Variants in DOCK1 observed in about 807,000 individuals in gnomAD.
DOCK1 encodes dedicator of cytokinesis protein 1.
Under a neutral mutation model 262.7 loss-of-function variants are expected in DOCK1, and 138 were observed. The ratio of observed to expected loss-of-function variants is 0.53; its 90% CI spans 0.46 to 0.61. The LOEUF is 0.61. Among genes scored for constraint, DOCK1 ranks in the 20% least tolerant of loss-of-function variants. DOCK1 has a pLI of 0.00. For missense variants in DOCK1, 1,908 were observed against 2,370.7 expected, an observed-to-expected ratio of 0.80 and a Z score of 4.05; for synonymous variants, 866 against 867.4, an observed-to-expected ratio of 1.00 and a Z score of 0.03.
intron 23 of DOCK1, 77 bp from the exon 24 acceptor site, chr10:127,106,154 T>A: frequency 7.0e-7 from 1 of 1,424,182 alleles, no homozygotes; most frequent in South Asian, 1.3e-5. Context: ...CTGCGGTTCT[T>A]CTCATAAGGA....
chr10:127,345,148 C>G (rs2135772818), intron 31 of DOCK1, among the ~76,000 whole-genome samples: 1 of 152,318 alleles, frequency 6.6e-6, no homozygotes, highest in Non-Finnish European at 1.5e-5. Context: ...CACACGACGA[C>G]AAAATCACCC....
At chr10:127,248,324 A>G (rs1157631729) in intron 28 of DOCK1, among the ~76,000 whole-genome samples, 2 of 152,098 alleles carry the variant, frequency 1.3e-5, no homozygotes, top group Admixed American at 1.3e-4. Context: ...CTGAATGGAG[A>G]ATGACTCAGG....
At chr10:127,028,665 G>T (rs2043041364) in intron 16 of DOCK1, among the ~76,000 whole-genome samples, 1 of 152,200 alleles carries the variant, frequency 6.6e-6, no homozygotes, top group Non-Finnish European at 1.5e-5. Flanking sequence ...AAGCTGCTGG[G>T]GTTTCTCCTC....
At chr10:126,988,669 G>C (rs2039579291) in intron 5 of DOCK1, among the ~76,000 whole-genome samples, 1 of 152,130 alleles carries the variant, frequency 6.6e-6, no homozygotes. Flanking sequence ...CCCTAGAGTA[G>C]GTATTCTTAA....
intron 27 of DOCK1, among the ~76,000 whole-genome samples, chr10:127,168,056 CTGTT>C (rs1157721335): frequency 6.6e-6 from 1 of 152,120 alleles, no homozygotes; most frequent in Non-Finnish European, 1.5e-5. Flanking sequence ...GTATTCTCAG[CTGTT>C]TGTTACAGAG....
chr10:127,430,411 T>C (rs939801944), intron 47 of DOCK1, among the ~76,000 whole-genome samples: 1 of 152,154 alleles, frequency 6.6e-6, no homozygotes, highest in Non-Finnish European at 1.5e-5. Context: ...ACCTATTCCT[T>C]GTGCTGGAGT....
intron 29 of DOCK1, among the ~76,000 whole-genome samples, chr10:127,329,438 G>T (rs1167744376): frequency 6.6e-6 from 1 of 151,666 alleles, no homozygotes; most frequent in Non-Finnish European, 1.5e-5. Flanking sequence ...GGTCTCTGGG[G>T]TGCTGTGGTG....
intron 23 of DOCK1, among the ~76,000 whole-genome samples, chr10:127,081,762 C>A (rs529641468): frequency 6.6e-6 from 1 of 152,046 alleles, no homozygotes; most frequent in Non-Finnish European, 1.5e-5. Context: ...GTGGCCCTTA[C>A]GAGTTCTTTC....
At chr10:127,003,571 T>C (rs1013654171) in intron 10 of DOCK1, among the ~76,000 whole-genome samples, 9 of 152,214 alleles carry the variant, frequency 5.9e-5, no homozygotes, top group Non-Finnish European at 1.0e-4. Context: ...CATCCCTTGG[T>C]GCCAAGCACT....
At chr10:127,097,031 G>C (rs2047948428) in intron 23 of DOCK1, among the ~76,000 whole-genome samples, 1 of 152,106 alleles carries the variant, frequency 6.6e-6, no homozygotes, top group Non-Finnish European at 1.5e-5. Context: ...CTTGAACCTG[G>C]GAGGTGGAGG....
intron 11 of DOCK1, among the ~76,000 whole-genome samples, chr10:127,009,622 G>C (rs2041282460): frequency 6.6e-6 from 1 of 152,110 alleles, no homozygotes; most frequent in Non-Finnish European, 1.5e-5. Context: ...CATGGTAAGG[G>C]CAGTGGAAGC....
chr10:127,389,993 G>A (rs1376140361), intron 38 of DOCK1, among the ~76,000 whole-genome samples: 2 of 138,776 alleles, frequency 1.4e-5, no homozygotes, highest in Non-Finnish European at 1.5e-5. Context: ...CAGCCTGGGC[G>A]ACAGGAACTC....
At chr10:126,975,540 T>C (rs994671556) in intron 2 of DOCK1, among the ~76,000 whole-genome samples, 9 of 152,380 alleles carry the variant, frequency 5.9e-5, no homozygotes, top group Admixed American at 5.9e-4. Flanking sequence ...CTGACTATTA[T>C]TAAACTGAAG....
chr10:127,020,383 A>T (rs143088934), intron 13 of DOCK1, among the ~76,000 whole-genome samples: 82 of 152,190 alleles, frequency 5.4e-4, no homozygotes, highest in African/African-American at 1.9e-3. Flanking sequence ...TTCCCTTATG[A>T]TGGATAGACT....
rs148838187 is a variant in DOCK1, at chr10:127,254,203, T to A, written c.2950-3132T>A. Reference sequence around the variant, plus strand: ...ATTTGATGATTGTGTCTCTTTAATCTTTCTTTTTCTAAAATAAATCCATCA... The same window carrying A: ...ATTTGATGATTGTGTCTCTTTAATCATTCTTTTTCTAAAATAAATCCATCA... On this transcript the variant is annotated intron_variant, in intron 28 of 51. Coordinates refer to ENST00000623213, the MANE Select transcript of DOCK1 (RefSeq NM_001290223.2). Among the ~76,000 whole-genome samples the A allele has an allele frequency of 1.9e-3, 292 of 152,360 alleles. 2 individuals are homozygous for A. Among genetic ancestry groups the A allele is most frequent in the Non-Finnish European group, 1.7e-3 (115 of 68,044 alleles).
intron 29 of DOCK1, among the ~76,000 whole-genome samples, chr10:127,261,798 C>T (rs2060145428): frequency 2.3e-5 from 2 of 88,730 alleles, no homozygotes; most frequent in South Asian, 4.1e-4. Context: ...CATGTGTGTG[C>T]ATGTGGGTGT....
At chr10:126,912,013 A>T (rs528849544) in intron 1 of DOCK1, among the ~76,000 whole-genome samples, 1 of 152,274 alleles carries the variant, frequency 6.6e-6, no homozygotes, top group African/African-American at 2.4e-5. Flanking sequence ...TGCCGGAGTC[A>T]AGGTGTTTTG....
At chr10:126,978,059 CTCATT>C in intron 3 of DOCK1, 71 bp downstream of exon 3, 1 of 1,444,564 alleles carries the variant, frequency 6.9e-7, no homozygotes, top group Non-Finnish European at 9.7e-7. Context: ...TCAATTCCAT[CTCATT>C]TGTGTCTGAG....
At chr10:127,333,276 G>A (rs888262997) in intron 29 of DOCK1, among the ~76,000 whole-genome samples, 1 of 152,166 alleles carries the variant, frequency 6.6e-6, no homozygotes, top group Non-Finnish European at 1.5e-5. Context: ...TTCACAATGT[G>A]AGAAATGGGG....
Sources: gnomAD v4.1 joint callset for allele counts (sites outside exome capture counted in the v4.1 genomes callset) on GRCh38, gnomAD v4.1.1 for gene constraint, MANE v1.5 for transcripts, NCBI Gene and HGNC (gene_info 2026-07-23, HGNC 2026-07-21) for gene names.